FRMD5: variants seen among roughly 807,000 people sequenced by gnomAD.
FRMD5 encodes the protein FERM domain containing 5.
FRMD5 carries 20 observed loss-of-function variants against 69.0 expected under a neutral mutation model. That is an observed-to-expected ratio of 0.29 (90% CI 0.20 to 0.42). The LOEUF is 0.42. FRMD5 is among the 10% of genes least tolerant of loss of function. FRMD5 has a pLI of 1.00. For synonymous variants in FRMD5, 271 were observed against 260.1 expected, an observed-to-expected ratio of 1.04 and a Z score of -0.40; for missense variants, 595 against 708.6, an observed-to-expected ratio of 0.84 and a Z score of 1.82.
intron 1 of FRMD5, among the ~76,000 whole-genome samples, chr15:43,944,082 G>A (rs531396923): frequency 1.3e-5 from 2 of 152,272 alleles, no homozygotes; most frequent in South Asian, 2.1e-4. Flanking sequence ...CTTTTCTGTT[G>A]CTTATAACAG....
intron 1 of FRMD5, among the ~76,000 whole-genome samples, chr15:44,051,186 C>T (rs1227586836): frequency 1.0e-5 from 1 of 98,184 alleles, no homozygotes; most frequent in East Asian, 3.4e-4. Context: ...GAGTCTTGCT[C>T]TGTCACCCAG....
At chr15:44,050,550 GGTAGAGAT>G (rs1228932321) in intron 1 of FRMD5, among the ~76,000 whole-genome samples, 1 of 119,768 alleles carries the variant, frequency 8.3e-6, no homozygotes, top group Non-Finnish European at 1.7e-5. Context: ...TTTTTTTTTT[GGTAGAGAT>G]ATGGTCTTGC....
chr15:44,002,632 A>G (rs1160906015), intron 1 of FRMD5, among the ~76,000 whole-genome samples: 6 of 152,130 alleles, frequency 3.9e-5, no homozygotes, highest in Non-Finnish European at 8.8e-5. Context: ...GGCTGCATGC[A>G]CTGGTAATTG....
At chr15:43,957,941 T>C (rs2090140418) in intron 1 of FRMD5, among the ~76,000 whole-genome samples, 1 of 152,240 alleles carries the variant, frequency 6.6e-6, no homozygotes, top group Non-Finnish European at 1.5e-5. Context: ...ACTATGCTTA[T>C]GTCATTTTCA....
chr15:44,092,972 G>A (rs1475597318), intron 1 of FRMD5, among the ~76,000 whole-genome samples: 7 of 116,598 alleles, frequency 6.0e-5, no homozygotes, highest in South Asian at 2.9e-4. Flanking sequence ...TCACTCTGTC[G>A]CCAGGCTGGA....
chr15:43,982,410 A>G (rs1236522571), intron 1 of FRMD5, among the ~76,000 whole-genome samples: 1 of 152,250 alleles, frequency 6.6e-6, no homozygotes, highest in Non-Finnish European at 1.5e-5. Flanking sequence ...TTCTTTTTGT[A>G]AAACCCAAAG....
intron 1 of FRMD5, 171 bp downstream of exon 1, chr15:44,194,770 AGGGCTCCGGCAG>A (rs1341953123): frequency 1.0e-5 from 7 of 681,604 alleles, no homozygotes; most frequent in South Asian, 9.2e-5. Context: ...ACCGGGTGCC[AGGGCTCCGGCAG>A]GGGCTCCGGT....
At chr15:44,186,682 T>C (rs1008361430) in intron 1 of FRMD5, among the ~76,000 whole-genome samples, 5 of 152,252 alleles carry the variant, frequency 3.3e-5, no homozygotes, top group African/African-American at 1.2e-4. Context: ...ATCTCTCCAA[T>C]AAAGTGGAGT....
chr15:43,893,981 C>T (rs2088856560), intron 7 of FRMD5, among the ~76,000 whole-genome samples: 1 of 152,166 alleles, frequency 6.6e-6, no homozygotes. Flanking sequence ...ATTATCCTTT[C>T]CTCAGGGTCT....
At chr15:44,028,455 T>C (rs1484283666) in intron 1 of FRMD5, among the ~76,000 whole-genome samples, 1 of 152,212 alleles carries the variant, frequency 6.6e-6, no homozygotes, top group Non-Finnish European at 1.5e-5. Context: ...TTCTTCATGT[T>C]TGGGAGTCTA....
chr15:43,877,156 G>T (rs903670972), intron 13 of FRMD5, among the ~76,000 whole-genome samples: 1 of 152,182 alleles, frequency 6.6e-6, no homozygotes, highest in Non-Finnish European at 1.5e-5. Flanking sequence ...GGTGATGCTG[G>T]TGTGGTTCTC....
At chr15:43,911,436 T>G (rs1187447755) in intron 4 of FRMD5, among the ~76,000 whole-genome samples, 2 of 152,234 alleles carry the variant, frequency 1.3e-5, no homozygotes, top group African/African-American at 4.8e-5. Flanking sequence ...ACTGGGGCCT[T>G]TGCCAACAGC....
chr15:44,187,022 A>G (rs894224675), intron 1 of FRMD5, among the ~76,000 whole-genome samples: 1 of 152,194 alleles, frequency 6.6e-6, no homozygotes, highest in Non-Finnish European at 1.5e-5. Flanking sequence ...TGTGCCTTTT[A>G]GGACTCCATG....
chr15:44,150,612 T>C (rs902446529), intron 1 of FRMD5, among the ~76,000 whole-genome samples: 1 of 151,256 alleles, frequency 6.6e-6, no homozygotes, highest in Non-Finnish European at 1.5e-5. Flanking sequence ...AGAGACCCTG[T>C]CTCTACAAAA....
At chr15:44,088,865 C>T (rs1894313712) in intron 1 of FRMD5, among the ~76,000 whole-genome samples, 1 of 152,136 alleles carries the variant, frequency 6.6e-6, no homozygotes, top group African/African-American at 2.4e-5. Context: ...GATCTGAACC[C>T]TGTTCAGTCT....
chr15:44,119,451 T>C (rs959656843), intron 1 of FRMD5, among the ~76,000 whole-genome samples: 2 of 152,176 alleles, frequency 1.3e-5, no homozygotes, highest in Admixed American at 6.5e-5. Flanking sequence ...TTTTTTTCTT[T>C]CTTGTTTCCA....
intron 1 of FRMD5, among the ~76,000 whole-genome samples, chr15:44,172,689 T>C (rs2077825779): frequency 6.6e-6 from 1 of 152,200 alleles, no homozygotes; most frequent in South Asian, 2.1e-4. Context: ...GATGCAGATG[T>C]GCTTGTTCTC....
At chr15:44,133,764 A>C (rs1004655015) in intron 1 of FRMD5, among the ~76,000 whole-genome samples, 16 of 152,048 alleles carry the variant, frequency 1.1e-4, no homozygotes, top group African/African-American at 2.4e-4. Context: ...AAAGAAGAAG[A>C]AGCCTATATA....
chr15:44,015,259 T>C (rs1890905011), intron 1 of FRMD5, among the ~76,000 whole-genome samples: 1 of 152,064 alleles, frequency 6.6e-6, no homozygotes, highest in Non-Finnish European at 1.5e-5. Flanking sequence ...CCTCAGCTTC[T>C]TGAGTAGCTA....
Sources: allele counts gnomAD v4.1 joint callset (sites outside exome capture counted in the v4.1 genomes callset), GRCh38; gene constraint gnomAD v4.1.1; transcripts MANE v1.5; gene names NCBI Gene and HGNC (gene_info 2026-07-23, HGNC 2026-07-21).